The following CDS2 variants were observed in gnomAD, a reference collection of about 807,000 sequenced individuals.
CDS2 encodes CDP-diacylglycerol synthase 2, also known as phosphatidate cytidylyltransferase 2.
A neutral mutation model predicts 59.0 loss-of-function variants in CDS2; 47 were observed. The ratio of observed to expected loss-of-function variants is 0.80; its 90% CI spans 0.63 to 1.02. The LOEUF is 1.02. Ranked by LOEUF, CDS2 falls within the 50% of genes least tolerant of loss-of-function variation. The pLI is 0.00. For missense variants in CDS2, 356 were observed against 558.9 expected (o/e 0.64, Z 3.66); for synonymous variants, 207 against 206.4 (o/e 1.00, Z -0.02).
rs1027099384 is a variant in CDS2, at chr20:5,193,043, T to G, written c.*2809T>G. 3 of 152,198 alleles carry G rather than the reference T, an allele frequency of 2.0e-5. No individual in the cohort carries two copies. Among genetic ancestry groups the G allele is most frequent in the Admixed American group, 1.3e-4 (2 of 15,276 alleles). 9.4% of individuals were successfully genotyped at this position (152,198 alleles called of 1,614,324 possible). A position where few individuals can be genotyped will look rare whatever the true frequency, so the allele number is the denominator to read the frequency against. On this transcript the variant is annotated 3_prime_UTR_variant, in exon 13 of 13. Coordinates refer to ENST00000460006, the MANE Select transcript of CDS2 (RefSeq NM_003818.4). ...GCCTGAGCCAGGTTGGAGCTTAAAT[T>G]GCTGTTGGCTCCTGCCTGGTGGAAC... is the stretch of plus-strand genomic sequence containing the variant.
At chr20:5,180,048 C>G (rs947139230) in intron 5 of CDS2, among the ~76,000 whole-genome samples, 5 of 152,104 alleles carry the variant, frequency 3.3e-5, no homozygotes, top group African/African-American at 1.2e-4. Context: ...TGCTGCAGAC[C>G]CCGAAAGCAG....
Position 5,182,410 on chromosome 20 carries a change from C to G in CDS2, c.553C>G (p.Leu185Val). The change falls in exon 6 of 13, where the codon CTG becomes GTG. Residue 185 changes from leucine to valine, a missense_variant. Around this residue, in one of 5 missense-constraint regions of CDS2, gnomAD observed 87 missense variants for 193.3 expected, o/e 0.45. Coordinates refer to ENST00000460006, the MANE Select transcript of CDS2 (RefSeq NM_003818.4). Reference sequence around the variant, plus strand: ...AGGATTCTGCATGTTTGTACTGAGTCTGGTCAAGAAGCATTATCGACTGCA... The same window carrying G: ...AGGATTCTGCATGTTTGTACTGAGTGTGGTCAAGAAGCATTATCGACTGCA... ...LIGFCMFVLS[L>V]VKKHYRLQFY... 6.2e-7 allele frequency: 1 copy of G among 1,611,504 alleles called. No individual in the cohort carries two copies.
At chr20:5,143,629 C>CTTCT (rs1568529873) in intron 1 of CDS2, among the ~76,000 whole-genome samples, 3 of 99,644 alleles carry the variant, frequency 3.0e-5, no homozygotes, top group East Asian at 5.8e-4. Context: ...TCTTCTTCTT[C>CTTCT]TTTTTTTTTT....
intron 1 of CDS2, among the ~76,000 whole-genome samples, chr20:5,165,124 G>A (rs1194496527): frequency 2.0e-5 from 3 of 152,174 alleles, no homozygotes; most frequent in Non-Finnish European, 4.4e-5. Flanking sequence ...ACGTATTTGA[G>A]TTAGAAAGCC....
chr20:5,175,310 C>G, intron 3 of CDS2, 31 bp downstream of exon 3: 1 of 1,576,588 alleles, frequency 6.3e-7, no homozygotes, highest in Non-Finnish European at 8.7e-7. Context: ...TTTTAGTTTT[C>G]CCTTCAGTTT....
intron 3 of CDS2, chr20:5,175,604 G>A: frequency 4.8e-6 from 1 of 206,764 alleles, no homozygotes; most frequent in Non-Finnish European, 9.9e-6. Context: ...TGACCAACAT[G>A]GTGAAACCCT....
intron 5 of CDS2, among the ~76,000 whole-genome samples, chr20:5,181,393 G>C (rs374490689): frequency 6.6e-5 from 10 of 152,316 alleles, no homozygotes; most frequent in Non-Finnish European, 1.3e-4. Context: ...TTACCAGAAA[G>C]GGGTCCAGAC....
At chr20:5,165,759 G>A (rs899500493) in intron 1 of CDS2, among the ~76,000 whole-genome samples, 1 of 152,146 alleles carries the variant, frequency 6.6e-6, no homozygotes, top group Non-Finnish European at 1.5e-5. Flanking sequence ...GGCAGTTGGG[G>A]AAGATTTGGA....
intron 6 of CDS2, among the ~76,000 whole-genome samples, chr20:5,182,725 A>G (rs1357611749): frequency 6.6e-6 from 1 of 152,236 alleles, no homozygotes; most frequent in Non-Finnish European, 1.5e-5. Flanking sequence ...CACTGCCCAC[A>G]GATGTCCTGT....
In CDS2 at chr20:5,160,294, C is replaced by T. The variant is rs780053877; in HGVS notation, c.58-13229C>T. Among the ~76,000 whole-genome samples the T allele has an allele frequency of 3.3e-4, 50 of 152,170 alleles. 1 individual carries two copies. Among genetic ancestry groups the T allele is most frequent in the Non-Finnish European group, 6.3e-4 (43 of 68,038 alleles). On this transcript the variant is annotated intron_variant, in intron 1 of 12. Transcript: ENST00000460006. Reference sequence around the variant, plus strand: ...TATGCTTGCTGAAGGGGTAGGTCTGCCCTTGACTGGTTGAACCTTGTTCAG... The same window carrying T: ...TATGCTTGCTGAAGGGGTAGGTCTGTCCTTGACTGGTTGAACCTTGTTCAG...
intron 3 of CDS2, chr20:5,175,658 C>G (rs567572777): frequency 5.6e-6 from 1 of 180,144 alleles, no homozygotes; most frequent in Admixed American, 5.8e-5. Flanking sequence ...TGGTGGCACG[C>G]GCCTGTAATC....
intron 1 of CDS2, among the ~76,000 whole-genome samples, chr20:5,145,780 A>G (rs1051005047): frequency 8.1e-5 from 12 of 148,612 alleles, no homozygotes; most frequent in African/African-American, 2.5e-4. Flanking sequence ...TTTATCTCCT[A>G]TCTTCTGCAG....
intron 12 of CDS2, 94 bp downstream of exon 12, chr20:5,189,932 T>C: frequency 7.4e-7 from 1 of 1,348,378 alleles, no homozygotes; most frequent in African/African-American, 1.4e-5. Context: ...GTGAAAAGCA[T>C]CCCAAATAAT....
At chr20:5,145,854 C>T (rs1438088810) in intron 1 of CDS2, among the ~76,000 whole-genome samples, 3 of 133,682 alleles carry the variant, frequency 2.2e-5, no homozygotes, top group Non-Finnish European at 3.1e-5. Context: ...GACAAAGTCT[C>T]GCTCTGTTGC....
At chr20:5,138,088 C>T (rs1051158777) in intron 1 of CDS2, among the ~76,000 whole-genome samples, 21 of 151,078 alleles carry the variant, frequency 1.4e-4, no homozygotes, top group African/African-American at 4.9e-4. Flanking sequence ...TGAGCCACCG[C>T]GCCTGGCCAC....
chr20:5,134,916 A>G (rs1600466444), intron 1 of CDS2, among the ~76,000 whole-genome samples: 1 of 152,222 alleles, frequency 6.6e-6, no homozygotes. Context: ...CATTCAGAAT[A>G]TGTTTGATAA....
intron 1 of CDS2, among the ~76,000 whole-genome samples, chr20:5,135,826 G>A (rs987874944): frequency 6.6e-6 from 1 of 152,198 alleles, no homozygotes; most frequent in Admixed American, 6.5e-5. Context: ...AGGGTATTCT[G>A]TGAAGTTTCC....
intron 1 of CDS2, among the ~76,000 whole-genome samples, chr20:5,129,438 G>A (rs370276945): frequency 3.3e-5 from 5 of 151,298 alleles, no homozygotes; most frequent in Middle Eastern, 3.4e-3. Context: ...CACCACGCTC[G>A]GCTAATTTTT....
chr20:5,131,434 G>A (rs1026043587), intron 1 of CDS2, among the ~76,000 whole-genome samples: 15 of 152,222 alleles, frequency 9.9e-5, no homozygotes, highest in African/African-American at 3.6e-4. Context: ...TTCTGATGGA[G>A]CTTAGGAAAG....
Sources: allele counts gnomAD v4.1 joint callset (sites outside exome capture counted in the v4.1 genomes callset), GRCh38; gene constraint gnomAD v4.1.1; regional missense constraint gnomAD v4.1.1; transcripts MANE v1.5; gene names NCBI Gene and HGNC (gene_info 2026-07-23, HGNC 2026-07-21).